The following USP16 variants were observed in gnomAD, a reference collection of about 807,000 sequenced individuals.
The protein encoded by USP16 is ubiquitin specific peptidase 16, also known as ubiquitin carboxyl-terminal hydrolase 16.
A neutral mutation model predicts 95.9 loss-of-function variants in USP16; 77 were observed. That is an observed-to-expected ratio of 0.80 (90% confidence interval 0.67 to 0.97). USP16 has a LOEUF of 0.97. Ranked by LOEUF, USP16 falls within the 50% of genes least tolerant of loss-of-function variation. USP16 has a pLI of 0.00. For missense variants in USP16, 943 were observed against 959.9 expected, an observed-to-expected ratio of 0.98 and a Z score of 0.23; for synonymous variants, 303 against 318.2, an observed-to-expected ratio of 0.95 and a Z score of 0.51.
chr21:29,053,773 T>C (rs776520356), intron 16 of USP16, 29 bp from the exon 17 acceptor site: 6 of 1,605,662 alleles, frequency 3.7e-6, no homozygotes, highest in Non-Finnish European at 5.1e-6. Flanking sequence ...GAACTAGAAC[T>C]AACTTTTGGA....
intron 15 of USP16, among the ~76,000 whole-genome samples, chr21:29,049,489 T>G (rs2085381591): frequency 6.6e-6 from 1 of 152,190 alleles, no homozygotes; most frequent in South Asian, 2.1e-4. Flanking sequence ...TTTTAAGCAC[T>G]CAGAACCTGT....
rs769857355 is a variant in USP16, at chr21:29,043,633, A to AT, written c.1356+38dup. ...TTAGGAGGAAAATCATATGCTTGTA[A>AT]TTTTATATTTTGAGCTATTGAGTTT... On this transcript the variant is annotated intron_variant, in intron 13 of 17. Coordinates refer to ENST00000399976, the MANE Select transcript of USP16 (RefSeq NM_006447.3). 35 of 1,475,282 alleles carry AT rather than the reference A, an allele frequency of 2.4e-5. No homozygotes were observed. The South Asian group carries it at 4.8e-4, about 20-fold the overall frequency. The allele number at this position is 1,475,282 out of a possible 1,614,324, so 91.4% of individuals were successfully genotyped here.
At chr21:29,035,574 A>G (rs572563605) in intron 4 of USP16, among the ~76,000 whole-genome samples, 8 of 151,544 alleles carry the variant, frequency 5.3e-5, no homozygotes, top group Admixed American at 1.3e-4. Flanking sequence ...GGGTTTCACC[A>G]TGTTGGTCAG....
chr21:29,035,086 C>G, intron 4 of USP16, 146 bp downstream of exon 4: 5 of 710,030 alleles, frequency 7.0e-6, no homozygotes, highest in Non-Finnish European at 9.1e-6. Context: ...CTAAAGAATG[C>G]AGTATTATGA....
chr21:29,050,219 C>A, intron 16 of USP16, 41 bp downstream of exon 16: 1 of 1,578,514 alleles, frequency 6.3e-7, no homozygotes, highest in South Asian at 1.1e-5. Flanking sequence ...CCTTTAAAGT[C>A]AAATTGTGGC....
intron 3 of USP16, 65 bp downstream of exon 3, chr21:29,030,838 A>G (rs1165889507): frequency 6.6e-7 from 1 of 1,523,068 alleles, no homozygotes. Flanking sequence ...TTTAGAAGGT[A>G]TTACCTGAAA....
At chr21:29,038,915 TG>T in intron 7 of USP16, 110 bp from the exon 8 acceptor site, 1 of 1,117,746 alleles carries the variant, frequency 8.9e-7, no homozygotes, top group Non-Finnish European at 1.2e-6. Context: ...AACTTTTAAA[TG>T]GGGCAGTTCT....
At chr21:29,037,656 G>C (rs958056692) in intron 6 of USP16, among the ~76,000 whole-genome samples, 193 bp downstream of exon 6, 4 of 145,138 alleles carry the variant, frequency 2.8e-5, no homozygotes, top group African/African-American at 1.0e-4. Context: ...CACGATCGTG[G>C]CTCACTGCAG....
chr21:29,047,079 T>C lies in USP16; in HGVS notation c.1769T>C (p.Ile590Thr). 6.2e-7 allele frequency: 1 copy of C among 1,614,034 alleles called. No individual in the cohort carries two copies. Among genetic ancestry groups the C allele is most frequent in the African/African-American group, 1.3e-5 (1 of 75,028 alleles). ...AATGCTGCTCTTCATCCTGATGAAA[T>C]AAATATAGAGATTCTGAATGATAGT... The part of the protein sequence containing the change: ...NLNAALHPDE[I>T]NIEILNDSHT... Residue 590 changes from isoleucine (I) to threonine (T), a missense_variant, in exon 14 of 18, where the codon ATA (isoleucine) becomes ACA (threonine). Transcript: ENST00000399976.
chr21:29,043,013 C>T (rs2085267620), intron 12 of USP16: 1 of 155,578 alleles, frequency 6.4e-6, no homozygotes, highest in Non-Finnish European at 1.4e-5. Flanking sequence ...AAAGTCTCAC[C>T]AAATTTTATT....
At chr21:29,036,462 T>C in intron 5 of USP16, 88 bp downstream of exon 5, 1 of 1,206,420 alleles carries the variant, frequency 8.3e-7, no homozygotes, top group African/African-American at 1.5e-5. Flanking sequence ...TAGCATTACA[T>C]ACAGCTGAGT....
intron 3 of USP16, 82 bp downstream of exon 3, chr21:29,030,855 T>A: frequency 1.4e-6 from 2 of 1,459,022 alleles, no homozygotes; most frequent in Non-Finnish European, 1.8e-6. Flanking sequence ...GAAAGTACAG[T>A]ATGGATAAAA....
At chr21:29,029,146 G>T (rs890852694) in intron 2 of USP16, among the ~76,000 whole-genome samples, 1 of 152,210 alleles carries the variant, frequency 6.6e-6, no homozygotes, top group Admixed American at 6.5e-5. Context: ...AGGTGTGGTG[G>T]CTCACGCCTG....
At chr21:29,044,076 G>A (rs1023780298) in intron 13 of USP16, among the ~76,000 whole-genome samples, 6 of 151,952 alleles carry the variant, frequency 3.9e-5, no homozygotes, top group Non-Finnish European at 7.4e-5. Flanking sequence ...AGGACTACAG[G>A]TGCATGCCAC....
At chr21:29,036,932 A>G (rs746702838) in intron 5 of USP16, among the ~76,000 whole-genome samples, 10 of 152,142 alleles carry the variant, frequency 6.6e-5, no homozygotes, top group Admixed American at 1.3e-4. Flanking sequence ...TTTCATGTCC[A>G]TGTTCTTGAT....
Position 29,024,737 on chromosome 21 carries a change from A to G in USP16, c.-82A>G, listed in dbSNP as rs1268844363. 8.5e-6 allele frequency: 11 copies of G among 1,289,240 alleles called. No homozygotes were observed. In the African/African-American group the frequency reaches 1.7e-4, roughly 20 times the overall value. The allele number at this position is 1,289,240 out of a possible 1,614,324, so 79.9% of individuals were successfully genotyped here. ...AGACGGAGCTGGCTGCCCAGCCCAA[A>G]GGCCCATGAGGGGATGCAGTTATGG... On this transcript the variant is annotated 5_prime_UTR_variant, in exon 1 of 18. Transcript: ENST00000399976.
chr21:29,026,377 A>T (rs1425499021), intron 1 of USP16, among the ~76,000 whole-genome samples: 1 of 148,264 alleles, frequency 6.7e-6, no homozygotes, highest in African/African-American at 2.5e-5. Context: ...AAGCACTTGA[A>T]CCCGGGCGGC....
chr21:29,039,221 T>A, intron 8 of USP16, 65 bp downstream of exon 8: 1 of 1,277,306 alleles, frequency 7.8e-7, no homozygotes, highest in Non-Finnish European at 1.0e-6. Flanking sequence ...ATATTAATAT[T>A]AAATAGTAAA....
chr21:29,044,966 G>A (rs1037885825), intron 13 of USP16, among the ~76,000 whole-genome samples: 3 of 152,090 alleles, frequency 2.0e-5, no homozygotes, highest in African/African-American at 7.2e-5. Context: ...GATACTAATT[G>A]TCCTTCACAA....
Sources: gnomAD v4.1 joint callset for allele counts (sites outside exome capture counted in the v4.1 genomes callset) on GRCh38, gnomAD v4.1.1 for gene constraint, MANE v1.5 for transcripts, NCBI Gene and HGNC (gene_info 2026-07-23, HGNC 2026-07-21) for gene names.